Variants in MSRB3 observed in about 807,000 individuals in gnomAD.
MSRB3 encodes methionine-R-sulfoxide reductase B3.
Under a neutral mutation model 21.0 loss-of-function variants are expected in MSRB3, and 13 were observed. The ratio of observed to expected loss-of-function variants is 0.62; its 90% CI spans 0.40 to 0.98. The LOEUF (loss-of-function observed/expected upper bound fraction) is 0.98, where lower values mean the gene tolerates loss of function less well. Among genes scored for constraint, MSRB3 ranks in the 50% least tolerant of loss-of-function variants. The pLI is 0.00. For synonymous variants in MSRB3, 87 were observed against 88.6 expected, an observed-to-expected ratio of 0.98 and a Z score of 0.10; for missense variants, 199 against 230.3, an observed-to-expected ratio of 0.86 and a Z score of 0.88.
intron 5 of MSRB3, among the ~76,000 whole-genome samples, chr12:65,429,307 G>T (rs2136660005): frequency 6.6e-6 from 1 of 152,254 alleles, no homozygotes; most frequent in African/African-American, 2.4e-5. Context: ...GCCTACTGAG[G>T]AGGTGATATC....
intron 4 of MSRB3, among the ~76,000 whole-genome samples, chr12:65,346,036 A>C (rs1448448881): frequency 6.6e-6 from 1 of 152,162 alleles, no homozygotes; most frequent in African/African-American, 2.4e-5. Context: ...ATAGTGCCAC[A>C]GTAAACATAT....
chr12:65,360,574 C>G (rs915683079), intron 4 of MSRB3, among the ~76,000 whole-genome samples: 1 of 152,208 alleles, frequency 6.6e-6, no homozygotes, highest in South Asian at 2.1e-4. Context: ...TTCGTCCCCT[C>G]ACACTTACTT....
rs76838594 is a variant in MSRB3, at chr12:65,406,726, C to T, written c.292+37700C>T. Among the ~76,000 whole-genome samples, 1,122 of 152,288 alleles carry T rather than the reference C, an allele frequency of 7.4e-3. 16 individuals carry two copies. Among genetic ancestry groups the T allele is most frequent in the African/African-American group, 0.025 (1,056 of 41,542 alleles). ...ATGCTATGGTTTGAATGTTTGTGTC[C>T]TCCCCAATATTTATGTTGAAACTTT... On this transcript the variant is annotated intron_variant, in intron 5 of 6. Transcript: ENST00000308259.
chr12:65,296,115 T>C (rs190828189), intron 1 of MSRB3, among the ~76,000 whole-genome samples: 3 of 152,358 alleles, frequency 2.0e-5, no homozygotes, highest in East Asian at 3.9e-4. Context: ...CTCTATATGA[T>C]TCATTGAAAT....
At chr12:65,292,937 T>C (rs1872743959) in intron 1 of MSRB3, among the ~76,000 whole-genome samples, 1 of 151,938 alleles carries the variant, frequency 6.6e-6, no homozygotes, top group Non-Finnish European at 1.5e-5. Flanking sequence ...ACTAAAGCCA[T>C]GGAATAAATA....
chr12:65,373,008 A>G (rs576191838), intron 5 of MSRB3, among the ~76,000 whole-genome samples: 1 of 152,328 alleles, frequency 6.6e-6, no homozygotes, highest in South Asian at 2.1e-4. Context: ...AGTTTTTAAA[A>G]AATCCAAAAT....
chr12:65,400,240 T>G (rs1187186937), intron 5 of MSRB3, among the ~76,000 whole-genome samples: 1 of 151,796 alleles, frequency 6.6e-6, no homozygotes, highest in Admixed American at 6.6e-5. Flanking sequence ...CCTGGGCTTT[T>G]TTTTTTTTTT....
chr12:65,309,680 G>A (rs1356073660), intron 2 of MSRB3, among the ~76,000 whole-genome samples: 1 of 152,188 alleles, frequency 6.6e-6, no homozygotes, highest in Non-Finnish European at 1.5e-5. Flanking sequence ...TGAAGTTTAA[G>A]GAGGGCATTA....
chr12:65,414,273 C>T (rs778693791), intron 5 of MSRB3, among the ~76,000 whole-genome samples: 12 of 152,058 alleles, frequency 7.9e-5, no homozygotes, highest in Non-Finnish European at 1.0e-4. Context: ...TACAGTAATA[C>T]GGCCTGGGGA....
At chr12:65,395,870 T>C (rs956070604) in intron 5 of MSRB3, among the ~76,000 whole-genome samples, 4 of 152,174 alleles carry the variant, frequency 2.6e-5, no homozygotes, top group African/African-American at 9.7e-5. Context: ...TCATTTCTGG[T>C]TTTACTAATT....
chr12:65,296,376 A>G (rs952517827), intron 1 of MSRB3, among the ~76,000 whole-genome samples: 1 of 152,202 alleles, frequency 6.6e-6, no homozygotes, highest in Non-Finnish European at 1.5e-5. Flanking sequence ...TTCAATCTCC[A>G]TAAGGGAAGT....
At chr12:65,443,838 G>A (rs1336736862) in intron 5 of MSRB3, among the ~76,000 whole-genome samples, 1 of 151,936 alleles carries the variant, frequency 6.6e-6, no homozygotes, top group Non-Finnish European at 1.5e-5. Flanking sequence ...GGAAACTCTG[G>A]ACCCCTAAAT....
chr12:65,414,308 A>G (rs1880862460), intron 5 of MSRB3, among the ~76,000 whole-genome samples: 1 of 152,196 alleles, frequency 6.6e-6, no homozygotes, highest in East Asian at 1.9e-4. Context: ...ATCAGATGGT[A>G]GCAGCTATAG....
At chr12:65,361,515 T>G (rs1877704483) in intron 4 of MSRB3, among the ~76,000 whole-genome samples, 1 of 152,190 alleles carries the variant, frequency 6.6e-6, no homozygotes, top group East Asian at 1.9e-4. Flanking sequence ...AAAATGAATG[T>G]GGCCCACAGC....
At chr12:65,368,100 T>C (rs1180488678) in intron 4 of MSRB3, among the ~76,000 whole-genome samples, 5 of 152,158 alleles carry the variant, frequency 3.3e-5, no homozygotes, top group Non-Finnish European at 7.4e-5. Context: ...CCAAAAGTGC[T>C]TTGGAACCCT....
intron 2 of MSRB3, among the ~76,000 whole-genome samples, chr12:65,320,515 G>A (rs1468766854): frequency 6.6e-6 from 1 of 152,026 alleles, no homozygotes; most frequent in East Asian, 1.9e-4. Flanking sequence ...TTGTTCTCTA[G>A]GCTCATCCAA....
intron 5 of MSRB3, among the ~76,000 whole-genome samples, chr12:65,383,784 C>T (rs552636519): frequency 1.3e-5 from 2 of 151,862 alleles, no homozygotes; most frequent in South Asian, 4.2e-4. Flanking sequence ...CCTCAGCTCC[C>T]AAGTAGCTGG....
intron 5 of MSRB3, among the ~76,000 whole-genome samples, chr12:65,428,307 G>C (rs1881704365): frequency 6.6e-6 from 1 of 151,658 alleles, no homozygotes; most frequent in African/African-American, 2.4e-5. Context: ...TTTTCTGTGT[G>C]TATATTTTTT....
chr12:65,379,944 T>C (rs1371539723), intron 5 of MSRB3, among the ~76,000 whole-genome samples: 2 of 152,176 alleles, frequency 1.3e-5, no homozygotes, highest in Non-Finnish European at 2.9e-5. Flanking sequence ...GAAGGACATA[T>C]GAGTATGAGA....
Sources: gnomAD v4.1 joint callset for allele counts (sites outside exome capture counted in the v4.1 genomes callset) on GRCh38, gnomAD v4.1.1 for gene constraint, MANE v1.5 for transcripts, NCBI Gene and HGNC (gene_info 2026-07-23, HGNC 2026-07-21) for gene names.